The following UNC5C variants were observed in gnomAD, a reference collection of about 807,000 sequenced individuals.
The protein encoded by UNC5C is unc-5 netrin receptor C.
In UNC5C, 47 loss-of-function variants were observed where a neutral mutation model predicts 99.8. That is an observed-to-expected ratio of 0.47 (90% CI 0.37 to 0.60). The LOEUF is 0.60. Among genes scored for constraint, UNC5C ranks in the 20% least tolerant of loss-of-function variants. UNC5C has a pLI of 0.00. For missense variants in UNC5C, 1,062 were observed against 1,165.9 expected (o/e 0.91, Z 1.30); for synonymous variants, 487 against 452.2 (o/e 1.08, Z -0.98).
At chr4:95,501,996 C>T (rs1293217562) in intron 1 of UNC5C, among the ~76,000 whole-genome samples, 1 of 152,118 alleles carries the variant, frequency 6.6e-6, no homozygotes, top group African/African-American at 2.4e-5. Context: ...GTTATGTTGA[C>T]AAATCAGCCT....
intron 1 of UNC5C, among the ~76,000 whole-genome samples, chr4:95,413,902 G>A (rs901819156): frequency 2.0e-5 from 3 of 152,188 alleles, no homozygotes; most frequent in Admixed American, 6.5e-5. Flanking sequence ...TTCTATGCAA[G>A]AGACAGCCTG....
In UNC5C at chr4:95,260,917, C is replaced by T. The variant is rs115004247; in HGVS notation, c.595-10250G>A. Among the ~76,000 whole-genome samples the T allele has an allele frequency of 3.2e-3, 482 of 152,298 alleles. 4 individuals are homozygous for T. The highest frequency in any genetic ancestry group is 0.01 in the African/African-American group (436 of 41,564). ...CTTTGTACTTAGTGATTCCTCCTCA[C>T]AGCAGCCTGTGAAAGAAGTAGTTGC... On this transcript the variant is annotated intron_variant, in intron 4 of 15. Transcript: ENST00000453304.
chr4:95,417,860 A>T (rs1256886855), intron 1 of UNC5C, among the ~76,000 whole-genome samples: 3 of 152,214 alleles, frequency 2.0e-5, no homozygotes, highest in Non-Finnish European at 4.4e-5. Flanking sequence ...AAACAACTAT[A>T]TATGAACACA....
intron 12 of UNC5C, among the ~76,000 whole-genome samples, chr4:95,202,221 C>T (rs17023179): frequency 0.068 from 10,296 of 152,126 alleles, 1,031 homozygotes; most frequent in African/African-American, 0.22. Flanking sequence ...CTTAAAGCTT[C>T]GAATGGGATA....
intron 12 of UNC5C, among the ~76,000 whole-genome samples, chr4:95,186,018 G>A (rs1405478566): frequency 6.6e-6 from 1 of 152,104 alleles, no homozygotes; most frequent in Non-Finnish European, 1.5e-5. Flanking sequence ...CCATTTCTCA[G>A]GCTAGTTAAT....
At chr4:95,192,553 C>G (rs568754373) in intron 12 of UNC5C, among the ~76,000 whole-genome samples, 1 of 146,014 alleles carries the variant, frequency 6.8e-6, no homozygotes, top group Admixed American at 6.8e-5. Flanking sequence ...CTGGTCGCCT[C>G]TTCTGCTTAC....
At chr4:95,232,778 G>A (rs150934957) in intron 7 of UNC5C, among the ~76,000 whole-genome samples, 9 of 152,216 alleles carry the variant, frequency 5.9e-5, no homozygotes, top group East Asian at 3.9e-4. Flanking sequence ...TTATTATACC[G>A]GACACTGTGT....
chr4:95,486,352 C>G (rs370764961), intron 1 of UNC5C, among the ~76,000 whole-genome samples: 2 of 151,552 alleles, frequency 1.3e-5, no homozygotes, highest in Non-Finnish European at 2.9e-5. Flanking sequence ...TAAATATAGG[C>G]CTTCACCATC....
intron 2 of UNC5C, among the ~76,000 whole-genome samples, chr4:95,302,755 T>C (rs1384684592): frequency 6.6e-6 from 1 of 152,238 alleles, no homozygotes; most frequent in Non-Finnish European, 1.5e-5. Flanking sequence ...TATTCATTTA[T>C]TCTTTGAATA....
chr4:95,379,875 C>T (rs146260311), intron 1 of UNC5C, among the ~76,000 whole-genome samples: 40 of 152,260 alleles, frequency 2.6e-4, no homozygotes, highest in African/African-American at 9.1e-4. Context: ...TTCGTTAGTT[C>T]TGTCAGCTAC....
Position 95,337,026 on chromosome 4 carries a change from C to T in UNC5C, c.125-1395G>A, listed in dbSNP as rs1427253552. 1.1e-4 allele frequency among the ~76,000 whole-genome samples: 17 copies of T among 151,996 alleles called. No homozygotes were observed. In the East Asian group the frequency reaches 2.7e-3, roughly 24 times the overall value. ...CTCAGAAAGGCAAAGGGATGAGGAA[C>T]TGAACTATTGACAAATCCATCAGCA... On this transcript the variant is annotated intron_variant, in intron 1 of 15. Transcript: ENST00000453304.
At chr4:95,236,218 A>G (rs1156464039) in intron 7 of UNC5C, among the ~76,000 whole-genome samples, 1 of 152,200 alleles carries the variant, frequency 6.6e-6, no homozygotes, top group African/African-American at 2.4e-5. Flanking sequence ...GATTAAGAAA[A>G]TGTGGCACAT....
intron 1 of UNC5C, among the ~76,000 whole-genome samples, chr4:95,476,717 T>C (rs1748160995): frequency 6.6e-6 from 1 of 151,820 alleles, no homozygotes; most frequent in Admixed American, 6.6e-5. Context: ...AGTTGTTTAG[T>C]ATTAAATAAT....
In UNC5C at chr4:95,164,252, C is replaced by G. The variant is rs1156627062; in HGVS notation, c.*4982G>C. 1 of 152,224 alleles carries G rather than the reference C, an allele frequency of 6.6e-6. No individual in the cohort carries two copies. Among genetic ancestry groups the G allele is most frequent in the Non-Finnish European group, 1.5e-5 (1 of 68,052 alleles). The allele number at this position is 152,224 out of a possible 1,614,324, so 9.4% of individuals were successfully genotyped here. On this transcript the variant is annotated 3_prime_UTR_variant, in exon 16 of 16. Coordinates refer to ENST00000453304, the MANE Select transcript of UNC5C (RefSeq NM_003728.4). The stretch of plus-strand genomic sequence containing the variant: ...TTTCACACTAGAATTCTGGAAATGA[C>G]TTCATTTGGCTTTCCTGGCCTGTAT...
intron 6 of UNC5C, among the ~76,000 whole-genome samples, chr4:95,242,944 C>G (rs76018472): frequency 5.3e-5 from 8 of 152,088 alleles, no homozygotes; most frequent in Non-Finnish European, 1.0e-4. Context: ...TAGGAGGGCT[C>G]TCTTTGGATC....
intron 7 of UNC5C, among the ~76,000 whole-genome samples, chr4:95,234,566 T>C (rs1289967132): frequency 3.3e-5 from 5 of 152,186 alleles, no homozygotes; most frequent in Non-Finnish European, 7.3e-5. Flanking sequence ...AATGTAGTTT[T>C]GAAAACAATT....
chr4:95,362,313 A>C (rs1360166019), intron 1 of UNC5C, among the ~76,000 whole-genome samples: 1 of 152,144 alleles, frequency 6.6e-6, no homozygotes, highest in Non-Finnish European at 1.5e-5. Flanking sequence ...CACATGACCC[A>C]AGGCAGTGTA....
chr4:95,519,783 C>T (rs2149489823), intron 1 of UNC5C, among the ~76,000 whole-genome samples: 1 of 152,260 alleles, frequency 6.6e-6, no homozygotes, highest in South Asian at 2.1e-4. Flanking sequence ...CCACTGTCTG[C>T]CCTACTTTCC....
intron 1 of UNC5C, among the ~76,000 whole-genome samples, chr4:95,510,390 C>T (rs539889529): frequency 2.0e-5 from 3 of 152,016 alleles, no homozygotes; most frequent in Non-Finnish European, 4.4e-5. Context: ...ATGACTATAG[C>T]TGCCTTAAAA....
Sources: allele counts gnomAD v4.1 joint callset (sites outside exome capture counted in the v4.1 genomes callset), GRCh38; gene constraint gnomAD v4.1.1; transcripts MANE v1.5; gene names NCBI Gene and HGNC (gene_info 2026-07-23, HGNC 2026-07-21).